The following TUBD1 variants were observed in gnomAD, a reference collection of about 807,000 sequenced individuals.
TUBD1 encodes the protein tubulin delta chain.
In TUBD1, 38 loss-of-function variants were observed where a neutral mutation model predicts 51.2. That is an observed-to-expected ratio of 0.74 (90% CI 0.57 to 0.97). The LOEUF (loss-of-function observed/expected upper bound fraction) is 0.97, where lower values mean the gene tolerates loss of function less well. TUBD1 is among the 50% of genes least tolerant of loss of function. The pLI, the probability that TUBD1 is intolerant of heterozygous loss-of-function variation, is 0.00. For synonymous variants in TUBD1, 169 were observed against 178.2 expected (o/e 0.95, Z 0.41); for missense variants, 489 against 538.4 (o/e 0.91, Z 0.91).
chr17:59,874,491 G>A, intron 6 of TUBD1, 48 bp downstream of exon 6: 1 of 1,584,676 alleles, frequency 6.3e-7, no homozygotes. Flanking sequence ...CTCCAGGACA[G>A]ACATTTTTTC....
chr17:59,885,694 A>AAGTTT (rs1409927064), intron 3 of TUBD1: 2 of 604,286 alleles, frequency 3.3e-6, no homozygotes, highest in East Asian at 5.9e-5. Context: ...GAATCTCTCA[A>AAGTTT]AGTGAGCCCT....
rs367745408 is a variant in TUBD1, at chr17:59,866,616, T to G, written c.1068A>C (p.Ala356=). Residue 356 remains alanine (A), a synonymous_variant, in exon 7 of 9, where the codon GCA becomes GCC. Transcript: ENST00000325752. The stretch of plus-strand genomic sequence containing the variant: ...TTCACCTGAATTTCTTACCCACATC[T>G]GCACTTTGCACATCTTTCCCACGAA... The part of the protein sequence containing the change: ...VILRGKDVQS[A]DVEGFKDPAL... 3 of 1,613,978 alleles carry G rather than the reference T, an allele frequency of 1.9e-6. No individual in the cohort carries two copies. The highest frequency in any genetic ancestry group is 1.7e-6 in the Non-Finnish European group (2 of 1,179,970).
At chr17:59,873,442 G>T (rs1900355817) in intron 6 of TUBD1, among the ~76,000 whole-genome samples, 1 of 152,012 alleles carries the variant, frequency 6.6e-6, no homozygotes, top group Non-Finnish European at 1.5e-5. Flanking sequence ...GTAGAGATGG[G>T]GTTTTGCCAT....
chr17:59,866,110 C>CAA (rs1191579900), intron 7 of TUBD1, among the ~76,000 whole-genome samples: 306 of 74,954 alleles, frequency 4.1e-3, no homozygotes, highest in Non-Finnish European at 5.7e-3. Flanking sequence ...GACCCCGTCT[C>CAA]AAAAAAAAAA....
intron 7 of TUBD1, among the ~76,000 whole-genome samples, 173 bp from the exon 8 acceptor site, chr17:59,864,020 T>C (rs1043971320): frequency 1.3e-5 from 2 of 151,578 alleles, no homozygotes; most frequent in African/African-American, 4.8e-5. Context: ...GGAGGGTAGA[T>C]TGCTCGAGCC....
chr17:59,874,480 A>G (rs1037794396), intron 6 of TUBD1, 59 bp downstream of exon 6: 2 of 1,536,858 alleles, frequency 1.3e-6, no homozygotes, highest in Middle Eastern at 3.7e-4. Flanking sequence ...TTATATTGAG[A>G]CTCCAGGACA....
At chr17:59,874,797 A>G (rs1325854302) in intron 5 of TUBD1, 94 bp from the exon 6 acceptor site, 1 of 1,035,878 alleles carries the variant, frequency 9.7e-7, no homozygotes, top group Non-Finnish European at 1.4e-6. Context: ...TTTCTGGGCC[A>G]AATGTTTTTT....
intron 7 of TUBD1, among the ~76,000 whole-genome samples, chr17:59,865,865 C>G (rs949883016): frequency 6.6e-6 from 1 of 151,982 alleles, no homozygotes; most frequent in African/African-American, 2.4e-5. Flanking sequence ...AATCCCAACA[C>G]TTTGGGAGGC....
intron 8 of TUBD1, among the ~76,000 whole-genome samples, chr17:59,862,686 C>T (rs1253825747): frequency 1.4e-5 from 2 of 147,694 alleles, no homozygotes; most frequent in African/African-American, 2.5e-5. Flanking sequence ...ATTACAGGCA[C>T]CCACCACTAT....
chr17:59,864,366 G>A (rs987296949), intron 7 of TUBD1, among the ~76,000 whole-genome samples: 1 of 150,180 alleles, frequency 6.7e-6, no homozygotes, highest in African/African-American at 2.4e-5. Context: ...GGCTGGTCTC[G>A]AACTCCTGGC....
intron 6 of TUBD1, 126 bp downstream of exon 6, chr17:59,874,413 T>G: frequency 2.4e-6 from 2 of 839,108 alleles, no homozygotes. Flanking sequence ...GGTGAGTTTC[T>G]GCCGGAGTCT....
chr17:59,860,680 A>G (rs1292041), intron 8 of TUBD1, among the ~76,000 whole-genome samples: 97,273 of 151,236 alleles, frequency 0.64, 33,308 homozygotes, highest in African/African-American at 0.9. Context: ...TCCACCTCCC[A>G]GGTTCAAGCG....
intron 3 of TUBD1, among the ~76,000 whole-genome samples, chr17:59,882,307 G>A (rs555882667): frequency 1.4e-3 from 209 of 151,636 alleles, no homozygotes; most frequent in African/African-American, 4.7e-3. Flanking sequence ...TTTTTGAGGC[G>A]GAGTCTCGCT....
intron 6 of TUBD1, among the ~76,000 whole-genome samples, chr17:59,870,350 G>A (rs1335361990): frequency 4.2e-5 from 5 of 119,736 alleles, no homozygotes; most frequent in East Asian, 2.8e-4. Context: ...CATCTTAGGC[G>A]ACAGAGTGTG....
intron 7 of TUBD1, among the ~76,000 whole-genome samples, chr17:59,864,150 A>G (rs1044043531): frequency 1.3e-5 from 2 of 151,274 alleles, no homozygotes; most frequent in African/African-American, 2.4e-5. Context: ...GGTGTGAATT[A>G]TTACTAATTT....
intron 6 of TUBD1, among the ~76,000 whole-genome samples, chr17:59,870,584 G>C (rs890258964): frequency 6.6e-6 from 1 of 152,052 alleles, no homozygotes; most frequent in African/African-American, 2.4e-5. Flanking sequence ...GCCCTGTAGA[G>C]AACCTTTGGA....
rs146588732 is a variant in TUBD1 at position 59,892,315 on chromosome 17, G to C, written c.-40+382C>G. Among the ~76,000 whole-genome samples the C allele has an allele frequency of 3.5e-3, 531 of 152,364 alleles. 4 individuals carry two copies. The highest frequency in any genetic ancestry group is 0.012 in the African/African-American group (479 of 41,590). On this transcript the variant is annotated intron_variant, in intron 1 of 8. Transcript: ENST00000325752. ...CCAGTACTTTGGGAGGCCGAGGCGG[G>C]AGGATCACCTGAGCCCAGGGATTCC...
chr17:59,870,372 C>CAAAAAAAAA (rs530315478), intron 6 of TUBD1, among the ~76,000 whole-genome samples: 17 of 77,956 alleles, frequency 2.2e-4, no homozygotes, highest in East Asian at 4.8e-4. Context: ...CTCCATCTCA[C>CAAAAAAAAA]AAAAAAAAAA....
chr17:59,864,427 T>C (rs2039606732), intron 7 of TUBD1, among the ~76,000 whole-genome samples: 1 of 152,078 alleles, frequency 6.6e-6, no homozygotes, highest in South Asian at 2.1e-4. Flanking sequence ...ATTATAGGCA[T>C]GAGCCACTGC....
Sources: gnomAD v4.1 joint callset for allele counts (sites outside exome capture counted in the v4.1 genomes callset) on GRCh38, gnomAD v4.1.1 for gene constraint, MANE v1.5 for transcripts, NCBI Gene and HGNC (gene_info 2026-07-23, HGNC 2026-07-21) for gene names.